NSD1: variants seen among roughly 807,000 people sequenced by gnomAD.
The protein encoded by NSD1 is histone-lysine N-methyltransferase, H3 lysine-36 specific.
Under a neutral mutation model 242.7 loss-of-function variants are expected in NSD1, and 26 were observed. The ratio of observed to expected loss-of-function variants is 0.11; its 90% CI spans 0.08 to 0.15. The LOEUF (loss-of-function observed/expected upper bound fraction) is 0.15, where lower values mean the gene tolerates loss of function less well. Among genes scored for constraint, NSD1 ranks in the 10% least tolerant of loss-of-function variants. NSD1 has a pLI of 1.00. For missense variants in NSD1, 2,495 were observed against 3,272.8 expected (o/e 0.76, Z 5.80); for synonymous variants, 1,106 against 1,178.1 (o/e 0.94, Z 1.25).
intron 5 of NSD1, among the ~76,000 whole-genome samples, chr5:177,212,545 C>T (rs563692464): frequency 2.0e-5 from 3 of 148,528 alleles, no homozygotes; most frequent in Admixed American, 6.8e-5. Flanking sequence ...CTGTGTTGCC[C>T]AGGCTGGTCT....
At position 177,288,821 on chromosome 5, in the gene NSD1, A is replaced by G. The variant is rs1352882011; in HGVS notation, c.6154A>G (p.Thr2052Ala). The stretch of plus-strand genomic sequence containing the variant: ...TATTTTCACGGTCTCTTATGCAGGC[A>G]CTGAACTTACCTTCAACTACAACCT... The part of the protein sequence containing the change: ...LFALSDIKAG[T>A]ELTFNYNLEC... The change falls in exon 21 of 23, where the codon ACT becomes GCT. Residue 2052 changes from threonine (T) to alanine (A), a missense_variant and splice_region_variant. By Grantham distance (58) the Thr-to-Ala change is moderately conservative (BLOSUM62 0). Coordinates refer to ENST00000439151, the MANE Select transcript of NSD1 (RefSeq NM_022455.5). 1 of 1,611,592 alleles carries G rather than the reference A, an allele frequency of 6.2e-7. No homozygotes were observed. Among genetic ancestry groups the G allele is most frequent in the African/African-American group, 1.3e-5 (1 of 74,886 alleles).
chr5:177,136,120 T>C (rs769569685), intron 2 of NSD1, 90 bp downstream of exon 2: 1 of 1,191,208 alleles, frequency 8.4e-7, no homozygotes, highest in Non-Finnish European at 1.2e-6. Context: ...TTGTTTTTGG[T>C]TGCTTATCAG....
rs754540195 is a variant in NSD1, at chr5:177,238,165, G to A, written c.3922-72G>A. ...GTCAGAATTTCATTCCTTTTAAAGT[G>A]TGTTATTCTTTTTGACACTTAAATT... is the stretch of plus-strand genomic sequence containing the variant. On this transcript the variant is annotated intron_variant, in intron 6 of 22. Coordinates refer to ENST00000439151, the MANE Select transcript of NSD1 (RefSeq NM_022455.5). This position sits in a 1 kb window ranked among gnomAD's most constrained non-coding sequence, Gnocchi z 4.6. The A allele has an allele frequency of 3.3e-6, 5 of 1,513,078 alleles. No individual in the cohort carries two copies. Among genetic ancestry groups the A allele is most frequent in the Non-Finnish European group, 4.6e-6 (5 of 1,088,960 alleles). 93.7% of individuals were successfully genotyped at this position (1,513,078 alleles called of 1,614,324 possible).
chr5:177,283,437 A>G (rs1679825738), intron 19 of NSD1, among the ~76,000 whole-genome samples: 2 of 152,204 alleles, frequency 1.3e-5, no homozygotes, highest in Non-Finnish European at 1.5e-5. Flanking sequence ...AAACTACCTA[A>G]ATAGAAAGTG....
chr5:177,159,751 C>A (rs1271881337), intron 2 of NSD1, among the ~76,000 whole-genome samples: 1 of 151,544 alleles, frequency 6.6e-6, no homozygotes, highest in Non-Finnish European at 1.5e-5. Context: ...TACCACCACG[C>A]CTGGCTAATT....
rs546151996 is a variant in NSD1, at chr5:177,256,523, G to A, written c.4766-428G>A. Among the ~76,000 whole-genome samples the A allele has an allele frequency of 3.0e-4, 46 of 152,256 alleles. No homozygotes were observed. The South Asian group carries it at 9.1e-3, about 30-fold the overall frequency. ...GCCTCGACTTCCTGGACTCAAGCCAGCCACTCACCTCAGCCTCCTGAAGTG... is the reference window on the plus strand; with the variant it reads ...GCCTCGACTTCCTGGACTCAAGCCAACCACTCACCTCAGCCTCCTGAAGTG... On this transcript the variant is annotated intron_variant, in intron 12 of 22. Coordinates refer to ENST00000439151, the MANE Select transcript of NSD1 (RefSeq NM_022455.5).
At chr5:177,232,042 G>A (rs1429579573) in intron 5 of NSD1, among the ~76,000 whole-genome samples, 1 of 152,058 alleles carries the variant, frequency 6.6e-6, no homozygotes, top group Non-Finnish European at 1.5e-5. Flanking sequence ...TGGGACCGCA[G>A]GTGTGTGCCA....
At chr5:177,262,372 TG>T (rs34583603) in intron 14 of NSD1, among the ~76,000 whole-genome samples, 130,229 of 152,116 alleles carry the variant, frequency 0.86, 56,227 homozygotes, top group Middle Eastern at 0.91. Flanking sequence ...GTGGCCAAGG[TG>T]GGGAGGATTG....
rs1020820330 is a variant in NSD1, at chr5:177,246,152, T to C, written c.4379-526T>C. Among the ~76,000 whole-genome samples, 16 of 151,822 alleles carry C rather than the reference T, an allele frequency of 1.1e-4. 1 individual carries two copies. The highest frequency in any genetic ancestry group is 1.1e-3 in the Admixed American group (16 of 15,220). On this transcript the variant is annotated intron_variant, in intron 9 of 22. Coordinates refer to ENST00000439151, the MANE Select transcript of NSD1 (RefSeq NM_022455.5). ...TGCCTGGCTAATTTTGTATTTTTAGTAGAGACAGGATTTCACTATGTTGGT... is the reference window on the plus strand; with the variant it reads ...TGCCTGGCTAATTTTGTATTTTTAGCAGAGACAGGATTTCACTATGTTGGT...
chr5:177,233,527 C>T (rs1046882675), intron 5 of NSD1, among the ~76,000 whole-genome samples: 4 of 138,692 alleles, frequency 2.9e-5, no homozygotes, highest in Non-Finnish European at 6.1e-5. Flanking sequence ...AGCCACCATG[C>T]CTGGCTAGTA....
At chr5:177,158,297 C>CTTTCTTTCTTTCTTTCTTTCTTTCT in intron 2 of NSD1, among the ~76,000 whole-genome samples, 1 of 104,082 alleles carries the variant, frequency 9.6e-6, no homozygotes, top group East Asian at 2.2e-4. Context: ...TTCTTTCTTT[C>CTTTCTTTCTTTCTTTCTTTCTTTCT]TTTCTTTTCT....
rs373383515 is a variant in NSD1 at position 177,257,228 on chromosome 5, C to CTTTT, written c.4966+93_4966+96dup. 3,440 of 738,054 alleles carry CTTTT rather than the reference C, an allele frequency of 4.7e-3. 13 individuals are homozygous for CTTTT. The highest frequency in any genetic ancestry group is 6.2e-3 in the Non-Finnish European group (2,969 of 480,544). 45.7% of individuals were successfully genotyped at this position (738,054 alleles called of 1,614,324 possible). ...GCAACAGATATTTTCTTTTTTCTTT[C>CTTTT]TTTTTTTTTTTTTTTTTTTGGAGAC... On this transcript the variant is annotated intron_variant, in intron 13 of 22. Coordinates refer to ENST00000439151, the MANE Select transcript of NSD1 (RefSeq NM_022455.5).
At chr5:177,242,880 A>G (rs1262184505) in intron 8 of NSD1, among the ~76,000 whole-genome samples, 1 of 152,152 alleles carries the variant, frequency 6.6e-6, no homozygotes, top group Non-Finnish European at 1.5e-5. Context: ...GTTGTTTTAC[A>G]GTTATGATGA....
rs957563412 is a variant in NSD1, at chr5:177,135,983, G to C, written c.880G>C (p.Glu294Gln). 4.3e-6 allele frequency: 7 copies of C among 1,614,088 alleles called. No individual in the cohort carries two copies. The highest frequency in any genetic ancestry group is 5.9e-6 in the Non-Finnish European group (7 of 1,180,024). The change falls in exon 2 of 23, where the codon GAA (glutamate) becomes CAA (glutamine). Residue 294 changes from glutamate (E) to glutamine (Q), a missense_variant. By Grantham distance (29) the Glu-to-Gln change is conservative. Coordinates refer to ENST00000439151, the MANE Select transcript of NSD1 (RefSeq NM_022455.5). ...TACCAGTACATTAGGAAACATGCTA[G>C]AATTACCTGGAACTTCATCATCATC... ...SSTSTLGNML[E>Q]LPGTSSSSTS... is the part of the protein sequence containing the mutation.
Position 177,211,354 on chromosome 5 carries a change from T to C in NSD1, c.2955T>C (p.Ser985=). Residue 985 remains serine, a synonymous_variant, in exon 5 of 23, where the codon TCT becomes TCC. Transcript: ENST00000439151. ...SANPSPSGGD[S]ALSGELSASL... is the part of the protein sequence containing the mutation. Reference sequence around the variant, plus strand: ...ATCCTAGCCCTAGTGGGGGTGACTCTGCATTATCTGGCGAGTTGTCTGCTT... The same window carrying C: ...ATCCTAGCCCTAGTGGGGGTGACTCCGCATTATCTGGCGAGTTGTCTGCTT... 6.2e-7 allele frequency: 1 copy of C among 1,614,110 alleles called. No homozygotes were observed. Among genetic ancestry groups the C allele is most frequent in the Non-Finnish European group, 8.5e-7 (1 of 1,180,010 alleles).
intron 2 of NSD1, among the ~76,000 whole-genome samples, chr5:177,190,158 T>G (rs1219075668): frequency 6.6e-6 from 1 of 152,164 alleles, no homozygotes; most frequent in Non-Finnish European, 1.5e-5. Flanking sequence ...GGGTCTGACA[T>G]GTTGTCCAGG....
intron 4 of NSD1, among the ~76,000 whole-genome samples, chr5:177,206,452 AT>A (rs1478166349): frequency 1.3e-5 from 2 of 152,180 alleles, no homozygotes; most frequent in Non-Finnish European, 2.9e-5. Flanking sequence ...CTTGTAGACT[AT>A]TTTTAAAAAT....
chr5:177,173,569 G>A (rs1759913265), intron 2 of NSD1, among the ~76,000 whole-genome samples: 1 of 150,012 alleles, frequency 6.7e-6, no homozygotes, highest in African/African-American at 2.5e-5. Flanking sequence ...TGCCTTCTGG[G>A]TTCAAGCAAT....
intron 2 of NSD1, among the ~76,000 whole-genome samples, chr5:177,185,424 C>G (rs943680832): frequency 6.6e-6 from 1 of 151,422 alleles, no homozygotes; most frequent in Non-Finnish European, 1.5e-5. Context: ...ATGGTGAAAC[C>G]CTGTCTCTCC....
Sources: gnomAD v4.1 joint callset for allele counts (sites outside exome capture counted in the v4.1 genomes callset) on GRCh38, gnomAD v4.1.1 for gene constraint, Gnocchi (gnomAD v3.1) non-coding constraint, MANE v1.5 for transcripts, NCBI Gene and HGNC (gene_info 2026-07-23, HGNC 2026-07-21) for gene names.